The following XRCC5 variants were observed in gnomAD, a reference collection of about 807,000 sequenced individuals.
The protein encoded by XRCC5 is DNA repair protein Ku80.
XRCC5 carries 12 observed loss-of-function variants against 95.7 expected under a neutral mutation model. That is an observed-to-expected ratio of 0.13 (90% CI 0.08 to 0.20). The LOEUF is 0.20. XRCC5 is among the 10% of genes least tolerant of loss of function. The probability of loss-of-function intolerance (pLI) is 1.00; values close to 1 mark genes in which losing one functional copy is unlikely to be tolerated. For synonymous variants in XRCC5, 281 were observed against 290.3 expected, an observed-to-expected ratio of 0.97 and a Z score of 0.33; for missense variants, 595 against 873.9, an observed-to-expected ratio of 0.68 and a Z score of 4.02.
At chr2:216,154,232 G>A (rs564762359) in intron 14 of XRCC5, among the ~76,000 whole-genome samples, 1 of 152,318 alleles carries the variant, frequency 6.6e-6, no homozygotes, top group African/African-American at 2.4e-5. Flanking sequence ...CAGGAGGTTG[G>A]TTAGGAGAAT....
intron 14 of XRCC5, 33 bp from the exon 15 acceptor site, chr2:216,160,035 T>C: frequency 2.2e-6 from 3 of 1,357,576 alleles, no homozygotes; most frequent in Non-Finnish European, 3.1e-6. Context: ...TTGTATTGTT[T>C]GTTCTAAGAG....
At chr2:216,181,334 T>G (rs1409792299) in intron 16 of XRCC5, among the ~76,000 whole-genome samples, 1 of 152,140 alleles carries the variant, frequency 6.6e-6, no homozygotes, top group Non-Finnish European at 1.5e-5. Flanking sequence ...AGATTTAAGT[T>G]CTTATAGCAC....
intron 16 of XRCC5, among the ~76,000 whole-genome samples, chr2:216,184,517 C>T (rs1046728682): frequency 1.9e-4 from 29 of 152,272 alleles, no homozygotes; most frequent in African/African-American, 7.0e-4. Context: ...CACCCTGTCA[C>T]CCAGGCTGGA....
chr2:216,202,709 G>A (rs190396545), intron 19 of XRCC5, among the ~76,000 whole-genome samples: 5 of 152,024 alleles, frequency 3.3e-5, no homozygotes, highest in Non-Finnish European at 2.9e-5. Context: ...TTCCTTATTC[G>A]CTCAGTCATA....
intron 14 of XRCC5, among the ~76,000 whole-genome samples, chr2:216,155,940 G>A (rs1250088570): frequency 6.6e-6 from 1 of 152,158 alleles, no homozygotes; most frequent in Non-Finnish European, 1.5e-5. Flanking sequence ...GAAGTCATTA[G>A]AAATTTTGAA....
intron 16 of XRCC5, among the ~76,000 whole-genome samples, chr2:216,164,213 T>G (rs41301714): frequency 6.6e-6 from 1 of 152,324 alleles, no homozygotes; most frequent in African/African-American, 2.4e-5. Flanking sequence ...ATTGAGACTT[T>G]CCTAGCTTTC....
At chr2:216,127,999 G>C (rs1350884890) in intron 8 of XRCC5, 4 of 157,420 alleles carry the variant, frequency 2.5e-5, no homozygotes, top group African/African-American at 9.6e-5. Context: ...AGGTTTTTTT[G>C]TTTGTTTTAT....
Position 216,165,563 on chromosome 2 carries a change from G to A in XRCC5, c.1834+3515G>A, listed in dbSNP as rs190883893. On this transcript the variant is annotated intron_variant, in intron 16 of 20. Transcript: ENST00000392132. ...TCTTGTTTGTTTGTTTTTCCGCTAG[G>A]GCATCTTTTTACTAACGCCCTTTAT... Among the ~76,000 whole-genome samples, 3 of 152,202 alleles carry A rather than the reference G, an allele frequency of 2.0e-5. No individual in the cohort carries two copies. In the East Asian group the frequency reaches 5.8e-4, roughly 29 times the overall value.
chr2:216,164,660 G>C (rs2106029345), intron 16 of XRCC5, among the ~76,000 whole-genome samples: 1 of 152,202 alleles, frequency 6.6e-6, no homozygotes, highest in East Asian at 1.9e-4. Flanking sequence ...GTTTAGGAGA[G>C]GAGGGGCTTA....
chr2:216,157,749 G>C (rs568881510), intron 14 of XRCC5, among the ~76,000 whole-genome samples: 2 of 152,264 alleles, frequency 1.3e-5, no homozygotes, highest in African/African-American at 4.8e-5. Context: ...ATACATGTTT[G>C]TGAAAGAAAA....
chr2:216,110,668 T>C (rs1319437172), intron 1 of XRCC5: 1 of 152,240 alleles, frequency 6.6e-6, no homozygotes, highest in South Asian at 2.1e-4. Flanking sequence ...AGTTCCATAT[T>C]TGAAACCCTT....
intron 4 of XRCC5, among the ~76,000 whole-genome samples, chr2:216,118,128 ACT>A (rs1019063215): frequency 6.6e-6 from 1 of 150,932 alleles, no homozygotes; most frequent in African/African-American, 2.4e-5. Context: ...GTGCATGGTA[ACT>A]CTGGCCAACT....
intron 16 of XRCC5, among the ~76,000 whole-genome samples, chr2:216,167,570 TTGTGTGTGTG>T (rs58499938): frequency 1.4e-3 from 198 of 138,494 alleles, no homozygotes; most frequent in African/African-American, 4.1e-3. Flanking sequence ...GTGTGTGGGT[TTGTGTGTGTG>T]TGTGTGTGTG....
At chr2:216,203,484 C>G (rs1031186485) in intron 19 of XRCC5, among the ~76,000 whole-genome samples, 1 of 152,192 alleles carries the variant, frequency 6.6e-6, no homozygotes, top group African/African-American at 2.4e-5. Flanking sequence ...CCACTGCTAT[C>G]CCTTGGAGGG....
At chr2:216,160,241 T>A in intron 15 of XRCC5, 80 bp downstream of exon 15, 1 of 950,878 alleles carries the variant, frequency 1.1e-6, no homozygotes, top group Non-Finnish European at 1.6e-6. Flanking sequence ...TTTTTGTTAG[T>A]CCGTTCTTAC....
intron 14 of XRCC5, among the ~76,000 whole-genome samples, chr2:216,157,257 G>A (rs894128717): frequency 2.5e-4 from 38 of 149,784 alleles, no homozygotes; most frequent in Non-Finnish European, 3.4e-4. Context: ...TTTTTGAGAC[G>A]GAGTGTCACT....
intron 16 of XRCC5, among the ~76,000 whole-genome samples, chr2:216,163,333 G>A (rs1688988936): frequency 6.6e-6 from 1 of 151,092 alleles, no homozygotes; most frequent in South Asian, 2.1e-4. Context: ...TTTTTTTTGG[G>A]GGGACAGAAT....
At chr2:216,173,782 AT>A (rs763217437) in intron 16 of XRCC5, among the ~76,000 whole-genome samples, 3 of 152,106 alleles carry the variant, frequency 2.0e-5, no homozygotes, top group Admixed American at 6.6e-5. Context: ...GTTCGGCCTG[AT>A]TTCTTCTCTG....
intron 14 of XRCC5, among the ~76,000 whole-genome samples, chr2:216,153,938 TC>T (rs1688796384): frequency 6.6e-6 from 1 of 152,234 alleles, no homozygotes; most frequent in Admixed American, 6.5e-5. Context: ...GCTTTCTTCT[TC>T]CTGCTCCTTT....
Sources: allele counts gnomAD v4.1 joint callset (sites outside exome capture counted in the v4.1 genomes callset), GRCh38; gene constraint gnomAD v4.1.1; transcripts MANE v1.5; gene names NCBI Gene and HGNC (gene_info 2026-07-23, HGNC 2026-07-21).